The following C8orf34 variants were observed in gnomAD, a reference collection of about 807,000 sequenced individuals.
C8orf34 encodes uncharacterized protein C8orf34.
In C8orf34, 65 loss-of-function variants were observed where a neutral mutation model predicts 68.3. The ratio of observed to expected loss-of-function variants is 0.95; its 90% CI spans 0.78 to 1.17. C8orf34 has a LOEUF of 1.17. C8orf34 is among the 50% of genes most tolerant of loss of function. The pLI, the probability that C8orf34 is intolerant of heterozygous loss-of-function variation, is 0.00. For synonymous variants in C8orf34, 244 were observed against 241.2 expected, an observed-to-expected ratio of 1.01 and a Z score of -0.11; for missense variants, 664 against 655.4, an observed-to-expected ratio of 1.01 and a Z score of -0.14.
intron 7 of C8orf34, chr8:68,533,999 C>T (rs1586334501): frequency 6.0e-5 from 55 of 923,752 alleles, no homozygotes; most frequent in Non-Finnish European, 6.8e-5. Flanking sequence ...GCCTTAAACA[C>T]GTTTTACATA....
intron 3 of C8orf34, among the ~76,000 whole-genome samples, chr8:68,452,619 T>A (rs1383174109): frequency 6.6e-6 from 1 of 150,614 alleles, no homozygotes; most frequent in Non-Finnish European, 1.5e-5. Flanking sequence ...GGGTTGTTAC[T>A]CTTTATTCTT....
At chr8:68,642,240 G>C (rs1819033592) in intron 8 of C8orf34, among the ~76,000 whole-genome samples, 1 of 152,150 alleles carries the variant, frequency 6.6e-6, no homozygotes, top group Admixed American at 6.5e-5. Flanking sequence ...AGAGATTTAG[G>C]TGTTTGAAAT....
At chr8:68,599,518 G>GA (rs1184829475) in intron 7 of C8orf34, among the ~76,000 whole-genome samples, 4 of 150,128 alleles carry the variant, frequency 2.7e-5, no homozygotes, top group East Asian at 2.0e-4. Flanking sequence ...AGGCCAATGT[G>GA]AAAAAAAAAG....
intron 6 of C8orf34, among the ~76,000 whole-genome samples, chr8:68,532,120 A>G (rs1020119721): frequency 1.3e-5 from 2 of 152,176 alleles, no homozygotes; most frequent in African/African-American, 4.8e-5. Context: ...AGTGGCGACA[A>G]TGAATCTACC....
intron 4 of C8orf34, 86 bp from the exon 5 acceptor site, chr8:68,487,937 T>C (rs1418180215): frequency 1.1e-6 from 1 of 880,066 alleles, no homozygotes; most frequent in Admixed American, 2.4e-5. Context: ...ATGCACTACT[T>C]TTACAAATAG....
intron 10 of C8orf34, among the ~76,000 whole-genome samples, chr8:68,743,716 C>G (rs902097203): frequency 1.3e-5 from 2 of 152,248 alleles, no homozygotes; most frequent in South Asian, 2.1e-4. Flanking sequence ...AAACCCGCAC[C>G]TGGCTCGGAG....
intron 1 of C8orf34, among the ~76,000 whole-genome samples, chr8:68,375,464 C>T (rs1244612164): frequency 1.3e-5 from 2 of 152,166 alleles, no homozygotes; most frequent in African/African-American, 4.8e-5. Flanking sequence ...AAACCACAGC[C>T]ACAACCATTA....
intron 1 of C8orf34, among the ~76,000 whole-genome samples, chr8:68,427,558 G>C (rs993589458): frequency 6.6e-6 from 1 of 152,072 alleles, no homozygotes; most frequent in South Asian, 2.1e-4. Context: ...AGAATGGGTG[G>C]ATGTGACTAT....
In C8orf34 at chr8:68,364,882, A is replaced by G. The variant is rs550263067; in HGVS notation, c.327+33543A>G. On this transcript the variant is annotated intron_variant, in intron 1 of 13. Coordinates refer to ENST00000518698, the MANE Select transcript of C8orf34 (RefSeq NM_052958.4). ...CATTCAAAAGCAGGCAGAAGGCAAG[A>G]AATAACTAAAATCAGAGAAGAACTG... Among the ~76,000 whole-genome samples, 84 of 152,318 alleles carry G rather than the reference A, an allele frequency of 5.5e-4. 1 individual carries two copies. The highest frequency in any genetic ancestry group is 1.4e-3 in the African/African-American group (60 of 41,560).
intron 7 of C8orf34, among the ~76,000 whole-genome samples, chr8:68,544,111 AAGCTG>A (rs1348429071): frequency 6.6e-6 from 1 of 152,102 alleles, no homozygotes; most frequent in Non-Finnish European, 1.5e-5. Context: ...CAAAAGAAGA[AAGCTG>A]AGAAGAGGGT....
At chr8:68,768,063 C>T (rs778880605) in intron 10 of C8orf34, among the ~76,000 whole-genome samples, 5 of 152,200 alleles carry the variant, frequency 3.3e-5, no homozygotes, top group Non-Finnish European at 7.3e-5. Context: ...AATCATTTCT[C>T]TAATAGCTCC....
At chr8:68,595,980 A>G (rs988633428) in intron 7 of C8orf34, among the ~76,000 whole-genome samples, 3 of 152,060 alleles carry the variant, frequency 2.0e-5, no homozygotes, top group Non-Finnish European at 4.4e-5. Flanking sequence ...GTATGTTTCC[A>G]ATATCACCCT....
chr8:68,619,836 G>A (rs1818336421), intron 7 of C8orf34, among the ~76,000 whole-genome samples: 1 of 152,104 alleles, frequency 6.6e-6, no homozygotes, highest in Non-Finnish European at 1.5e-5. Flanking sequence ...GTACCCAGCT[G>A]ATACAATGAA....
chr8:68,637,881 G>A (rs1381125985), intron 7 of C8orf34, among the ~76,000 whole-genome samples: 4 of 152,102 alleles, frequency 2.6e-5, no homozygotes, highest in Admixed American at 1.3e-4. Flanking sequence ...ATGAGGGATA[G>A]CATATCCAGC....
chr8:68,721,558 G>T, intron 10 of C8orf34, 121 bp downstream of exon 10: 1 of 670,318 alleles, frequency 1.5e-6, no homozygotes, highest in Non-Finnish European at 2.5e-6. Flanking sequence ...GCTGTTCTAA[G>T]TTGTTTCAAC....
chr8:68,459,496 G>C (rs1339904254), intron 3 of C8orf34, among the ~76,000 whole-genome samples: 2 of 152,150 alleles, frequency 1.3e-5, no homozygotes, highest in African/African-American at 2.4e-5. Flanking sequence ...CTCCCAAAGT[G>C]TTGGGATTAC....
In C8orf34 at chr8:68,744,544, C is replaced by G. The variant is rs1293562052; in HGVS notation, c.1404+23107C>G. Among the ~76,000 whole-genome samples, 22 of 151,780 alleles carry G rather than the reference C, an allele frequency of 1.4e-4. No individual in the cohort carries two copies. The East Asian group carries it at 3.1e-3, about 21-fold the overall frequency. The stretch of plus-strand genomic sequence containing the variant: ...CAATACAGAGAAGTGCTTAAAGGAG[C>G]TGATGGAGCTGAAAACCAAGGCTCG... On this transcript the variant is annotated intron_variant, in intron 10 of 13. Coordinates refer to ENST00000518698, the MANE Select transcript of C8orf34 (RefSeq NM_052958.4).
intron 12 of C8orf34, among the ~76,000 whole-genome samples, chr8:68,797,663 T>A (rs1039307685): frequency 1.3e-5 from 2 of 152,236 alleles, no homozygotes; most frequent in Non-Finnish European, 2.9e-5. Flanking sequence ...GAGTTGATTA[T>A]GTCACCAGGC....
At chr8:68,367,931 A>AAAAAAAAAAAAAAAAAT (rs1807377491) in intron 1 of C8orf34, among the ~76,000 whole-genome samples, 1 of 145,620 alleles carries the variant, frequency 6.9e-6, no homozygotes, top group Non-Finnish European at 1.5e-5. Flanking sequence ...AAAAAAAAAA[A>AAAAAAAAAAAAAAAAAT]AAAAAAGAAA....
Sources: allele counts gnomAD v4.1 joint callset (sites outside exome capture counted in the v4.1 genomes callset), GRCh38; gene constraint gnomAD v4.1.1; transcripts MANE v1.5; gene names NCBI Gene and HGNC (gene_info 2026-07-23, HGNC 2026-07-21).